HMGCLL1: variants seen among roughly 807,000 people sequenced by gnomAD.
The protein encoded by HMGCLL1 is 3-hydroxymethyl-3-methylglutaryl-CoA lyase, cytoplasmic.
HMGCLL1 carries 36 observed loss-of-function variants against 39.1 expected under a neutral mutation model. The ratio of observed to expected loss-of-function variants is 0.92; its 90% CI spans 0.71 to 1.22. HMGCLL1 has a LOEUF of 1.22. Among genes scored for constraint, HMGCLL1 ranks in the 50% most tolerant of loss-of-function variants. HMGCLL1 has a pLI of 0.00. For synonymous variants in HMGCLL1, 149 were observed against 144.0 expected (o/e 1.03, Z -0.25); for missense variants, 451 against 416.5 (o/e 1.08, Z -0.72).
the HMGCLL1 span, among the ~76,000 whole-genome samples, chr6:55,658,351 A>G: frequency 6.6e-6 from 1 of 151,970 alleles, no homozygotes; most frequent in Non-Finnish European, 1.5e-5. Context: ...TAATACTCCC[A>G]ACAAAAATAT....
chr6:55,603,273 G>T, the HMGCLL1 span, among the ~76,000 whole-genome samples: 1 of 152,028 alleles, frequency 6.6e-6, no homozygotes, highest in African/African-American at 2.4e-5. Flanking sequence ...ATAGCAGGTT[G>T]ACATACTATC....
At chr6:55,627,049 G>GAAAAAAAAAAA in the HMGCLL1 span, among the ~76,000 whole-genome samples, 1 of 85,808 alleles carries the variant, frequency 1.2e-5, no homozygotes, top group Non-Finnish European at 2.2e-5. Flanking sequence ...CACTCCACCA[G>GAAAAAAAAAAA]AAAAAAAAAA....
At chr6:55,565,086 G>T (rs1479343479) in intron 1 of HMGCLL1, among the ~76,000 whole-genome samples, 1 of 151,896 alleles carries the variant, frequency 6.6e-6, no homozygotes, top group Non-Finnish European at 1.5e-5. Flanking sequence ...CTTCCAATGA[G>T]TACTAGATAA....
chr6:55,451,000 C>T (rs1195801464), intron 7 of HMGCLL1, among the ~76,000 whole-genome samples: 1 of 152,138 alleles, frequency 6.6e-6, no homozygotes, highest in Non-Finnish European at 1.5e-5. Flanking sequence ...AAGAGTTCAT[C>T]TCATTTCTAG....
At chr6:55,451,728 T>C (rs1039254884) in intron 7 of HMGCLL1, among the ~76,000 whole-genome samples, 16 of 152,112 alleles carry the variant, frequency 1.1e-4, no homozygotes, top group Non-Finnish European at 2.2e-4. Context: ...GTGGGAGACA[T>C]ACCTAATGTT....
chr6:55,554,405 T>C (rs1770537504), intron 1 of HMGCLL1, among the ~76,000 whole-genome samples: 1 of 152,014 alleles, frequency 6.6e-6, no homozygotes, highest in African/African-American at 2.4e-5. Context: ...AGATGAATAG[T>C]TAGACATTCA....
At chr6:55,478,024 A>T (rs922493448) in intron 7 of HMGCLL1, among the ~76,000 whole-genome samples, 3 of 150,628 alleles carry the variant, frequency 2.0e-5, no homozygotes, top group African/African-American at 4.9e-5. Flanking sequence ...TAACCTATAA[A>T]GCATCTGGGC....
At chr6:55,535,224 G>A (rs983986747) in intron 3 of HMGCLL1, among the ~76,000 whole-genome samples, 7 of 152,184 alleles carry the variant, frequency 4.6e-5, no homozygotes, top group Admixed American at 3.3e-4. Flanking sequence ...GTTTATATAA[G>A]TTGAAAAACA....
chr6:55,578,983 C>T lies in HMGCLL1; in HGVS notation c.73G>A (p.Gly25Arg). 2 of 1,613,618 alleles carry T rather than the reference C, an allele frequency of 1.2e-6. No homozygotes were observed. The highest frequency in any genetic ancestry group is 8.5e-7 in the Non-Finnish European group (1 of 1,179,820). Residue 25 changes from glycine (G) to arginine (R), a missense_variant, in exon 1 of 9, where the codon GGG (glycine) becomes AGG (arginine). Coordinates refer to ENST00000274901, the MANE Select transcript of HMGCLL1 (RefSeq NM_001042406.2). ...QQLLREHLWI[G>R]DSVAGALDPA... ...TCGAGCGCCCCTGCCACTGAATCCC[C>T]GATCCAGAGATGCTCCCGGAGAAGC...
chr6:55,628,605 A>G, the HMGCLL1 span, among the ~76,000 whole-genome samples: 2 of 151,922 alleles, frequency 1.3e-5, no homozygotes, highest in African/African-American at 4.8e-5. Context: ...CCTGGCCTGC[A>G]AGGTTTCCAC....
chr6:55,597,743 A>C, the HMGCLL1 span, among the ~76,000 whole-genome samples: 1 of 152,208 alleles, frequency 6.6e-6, no homozygotes, highest in Non-Finnish European at 1.5e-5. Context: ...GAAATTATAA[A>C]TGAGACAGTT....
the HMGCLL1 span, among the ~76,000 whole-genome samples, chr6:55,596,382 A>G: frequency 1.3e-5 from 2 of 152,182 alleles, no homozygotes; most frequent in Non-Finnish European, 2.9e-5. Flanking sequence ...GTACATATAT[A>G]CAATTAGCAC....
chr6:55,535,390 T>TTC (rs1423618293), intron 3 of HMGCLL1, among the ~76,000 whole-genome samples: 1 of 152,206 alleles, frequency 6.6e-6, no homozygotes, highest in Non-Finnish European at 1.5e-5. Context: ...AATCAGCTGA[T>TTC]TCTCTAGGAT....
At chr6:55,526,849 C>G (rs1036354377) in intron 3 of HMGCLL1, among the ~76,000 whole-genome samples, 1 of 151,990 alleles carries the variant, frequency 6.6e-6, no homozygotes, top group African/African-American at 2.4e-5. Context: ...TTAGGCTTTC[C>G]TTATTGAAGT....
At chr6:55,457,940 G>C (rs1467432983) in intron 7 of HMGCLL1, among the ~76,000 whole-genome samples, 1 of 152,078 alleles carries the variant, frequency 6.6e-6, no homozygotes, top group Non-Finnish European at 1.5e-5. Context: ...ATTGTGGGAG[G>C]AAGAGAGAAG....
the HMGCLL1 span, among the ~76,000 whole-genome samples, chr6:55,614,548 T>C: frequency 6.6e-6 from 1 of 152,178 alleles, no homozygotes; most frequent in Non-Finnish European, 1.5e-5. Flanking sequence ...ATTTTCATAG[T>C]ATGAATTAAT....
chr6:55,605,130 C>G, the HMGCLL1 span, among the ~76,000 whole-genome samples: 1 of 152,154 alleles, frequency 6.6e-6, no homozygotes, highest in Non-Finnish European at 1.5e-5. Context: ...AGGACTGCCT[C>G]AGTGCAGAGA....
At chr6:55,677,450 G>T in the HMGCLL1 span, among the ~76,000 whole-genome samples, 2 of 152,110 alleles carry the variant, frequency 1.3e-5, no homozygotes, top group African/African-American at 2.4e-5. Flanking sequence ...ATTGTGAGGA[G>T]AAATTTACTT....
chr6:55,568,995 A>T (rs555107855), intron 1 of HMGCLL1, among the ~76,000 whole-genome samples: 1 of 152,228 alleles, frequency 6.6e-6, no homozygotes, highest in South Asian at 2.1e-4. Flanking sequence ...AGCTAATGAA[A>T]AAAACAAGAA....
Sources: gnomAD v4.1 joint callset for allele counts (sites outside exome capture counted in the v4.1 genomes callset) on GRCh38, gnomAD v4.1.1 for gene constraint, MANE v1.5 for transcripts, NCBI Gene and HGNC (gene_info 2026-07-23, HGNC 2026-07-21) for gene names.